STAT1: variants seen among roughly 807,000 people sequenced by gnomAD.
STAT1 encodes signal transducer and activator of transcription 1, also known as signal transducer and activator of transcription 1-alpha/beta.
Under a neutral mutation model 111.7 loss-of-function variants are expected in STAT1, and 24 were observed. The observed-to-expected ratio is 0.21, with a 90% CI of 0.16 to 0.30. STAT1 has a LOEUF of 0.30. Ranked by LOEUF, STAT1 falls within the 10% of genes least tolerant of loss-of-function variation. The pLI, the probability that STAT1 is intolerant of heterozygous loss-of-function variation, is 1.00. For missense variants in STAT1, 351 were observed against 911.9 expected (o/e 0.38, Z 7.92); for synonymous variants, 332 against 326.5 (o/e 1.02, Z -0.18).
intron 15 of STAT1, among the ~76,000 whole-genome samples, 184 bp downstream of exon 15, chr2:190,985,435 A>G (rs533675001): frequency 1.3e-5 from 2 of 152,368 alleles, no homozygotes; most frequent in East Asian, 3.9e-4. Flanking sequence ...TCGTTTGACA[A>G]TAGTAAAGCA....
rs1695303635 is a variant in STAT1, at chr2:191,013,544, C to A, written c.-21G>T. 2.5e-6 allele frequency: 1 copy of A among 398,472 alleles called. No individual in the cohort carries two copies. Among genetic ancestry groups the A allele is most frequent in the Non-Finnish European group, 4.4e-6 (1 of 226,016 alleles). 24.7% of individuals were successfully genotyped at this position (398,472 alleles called of 1,614,324 possible). ...ACTGACCTGCCACCTTGTGCCCCAA[C>A]AAGGGCCTGGGGATTCAACCAAAGG... On this transcript the variant is annotated 5_prime_UTR_variant, in exon 2 of 25. Transcript: ENST00000361099.
chr2:190,970,870 T>G lies in STAT1; in HGVS notation c.2239-153A>C, dbSNP rs3771300. On this transcript the variant is annotated intron_variant, in intron 24 of 24. Transcript: ENST00000361099. The surrounding 1 kb of genome is among the most constrained non-coding windows in gnomAD (Gnocchi z 5.4). ...CCGTGGAATAAGAGGGCCTTCAGCA[T>G]GTACTATGTATTATCCTGGGCTAAT... Among the ~76,000 whole-genome samples, 70,676 of 152,146 alleles carry G rather than the reference T, an allele frequency of 0.46. 17,016 individuals are homozygous for G. The highest frequency in any genetic ancestry group is 0.55 in the Admixed American group (8,390 of 15,288).
rs1369502100 is a variant in STAT1, at chr2:190,998,340, AAAG to A, written c.542-35_542-33del. On this transcript the variant is annotated intron_variant, in intron 7 of 24. Coordinates refer to ENST00000361099, the MANE Select transcript of STAT1 (RefSeq NM_007315.4). The surrounding 1 kb of genome is among the most constrained non-coding windows in gnomAD (Gnocchi z 4.1). ...ATTGAGAGACAGCCAGTAAATATATAAAGAAGACAAAACCAACAAAAGCCAAGA... is the reference window on the plus strand; with the variant it reads ...ATTGAGAGACAGCCAGTAAATATATAAAGACAAAACCAACAAAAGCCAAGA... 56 of 1,537,616 alleles carry A rather than the reference AAAG, an allele frequency of 3.6e-5. No homozygotes were observed. Among genetic ancestry groups the A allele is most frequent in the Non-Finnish European group, 4.9e-5 (55 of 1,112,214 alleles).
intron 3 of STAT1, 28 bp downstream of exon 3, chr2:191,009,848 C>T: frequency 1.9e-6 from 3 of 1,613,080 alleles, no homozygotes; most frequent in Non-Finnish European, 2.5e-6. Flanking sequence ...GTGTAAACTT[C>T]TTCTTCTGTC....
At chr2:191,001,719 T>TA (rs1436397969) in intron 5 of STAT1, among the ~76,000 whole-genome samples, 3 of 152,196 alleles carry the variant, frequency 2.0e-5, no homozygotes, top group Non-Finnish European at 4.4e-5. Flanking sequence ...ATAATGAATA[T>TA]AAACCCAGAC....
chr2:191,007,754 C>T lies in STAT1; in HGVS notation c.274-93G>A, dbSNP rs535705452. The T allele has an allele frequency of 2.5e-4, 230 of 911,132 alleles. 1 individual carries two copies. Among genetic ancestry groups the T allele is most frequent in the South Asian group, 2.4e-3 (180 of 74,010 alleles). 56.4% of individuals were successfully genotyped at this position (911,132 alleles called of 1,614,324 possible). ...GTTGATATGAATTTGTTTATATTCTCCGGGAAACCTCATCTCTCATCTATT... is the reference window on the plus strand; with the variant it reads ...GTTGATATGAATTTGTTTATATTCTTCGGGAAACCTCATCTCTCATCTATT... On this transcript the variant is annotated intron_variant, in intron 4 of 24. Transcript: ENST00000361099. The surrounding 1 kb of genome is among the most constrained non-coding windows in gnomAD (Gnocchi z 4.2).
rs778743351 is a variant in STAT1 at position 190,983,889 on chromosome 2, T to C, written c.1348-149A>G. 426 of 734,434 alleles carry C rather than the reference T, an allele frequency of 5.8e-4. 2 individuals are homozygous for C. The highest frequency in any genetic ancestry group is 8.8e-5 in the Non-Finnish European group (37 of 419,802). 45.5% of individuals were successfully genotyped at this position (734,434 alleles called of 1,614,324 possible). ...TGAGAAGTGTTAAGTTCTGTTCTTC[T>C]GTCCAGTTTAACTTGTCTTTGATGT... On this transcript the variant is annotated intron_variant, in intron 16 of 24. Transcript: ENST00000361099. The surrounding 1 kb of genome is among the most constrained non-coding windows in gnomAD (Gnocchi z 5.7).
intron 4 of STAT1, 67 bp downstream of exon 4, chr2:191,008,896 G>GA: frequency 6.4e-7 from 1 of 1,556,996 alleles, no homozygotes; most frequent in South Asian, 1.1e-5. Flanking sequence ...TGTATTTGCT[G>GA]AATGAAGAAA....
In STAT1 at chr2:190,993,491, G is replaced by T; in HGVS notation, c.944+1570C>A. ...TATCATCTGCAAACCTAAGAAGGAG[G>T]CAAGACTTTCCAACCCCAGAGTCGC... On this transcript the variant is annotated intron_variant, in intron 10 of 24. Transcript: ENST00000361099. This position sits in a 1 kb window ranked among gnomAD's most constrained non-coding sequence, Gnocchi z 4.1. 9.8e-7 allele frequency: 1 copy of T among 1,022,342 alleles called. No individual in the cohort carries two copies. Among genetic ancestry groups the T allele is most frequent in the Non-Finnish European group, 1.5e-6 (1 of 667,080 alleles). The allele number at this position is 1,022,342 out of a possible 1,614,324, so 63.3% of individuals were successfully genotyped here.
At chr2:190,992,002 A>C (rs919440394) in intron 10 of STAT1, among the ~76,000 whole-genome samples, 3 of 152,276 alleles carry the variant, frequency 2.0e-5, no homozygotes, top group African/African-American at 7.2e-5. Flanking sequence ...TTTGAACATT[A>C]GCCATAGGGA....
rs1386777597 is a variant in STAT1 at position 190,995,628 on chromosome 2, G to A, written c.786-409C>T. Among the ~76,000 whole-genome samples, 1 of 152,132 alleles carries A rather than the reference G, an allele frequency of 6.6e-6. No homozygotes were observed. The highest frequency in any genetic ancestry group is 6.5e-5 in the Admixed American group (1 of 15,280). ...ACAATTCAAGGTGAGATTTGGGTGG[G>A]GACACGGCCAAACCATATGGCATGG... On this transcript the variant is annotated intron_variant, in intron 9 of 24. Coordinates refer to ENST00000361099, the MANE Select transcript of STAT1 (RefSeq NM_007315.4). This position sits in a 1 kb window ranked among gnomAD's most constrained non-coding sequence, Gnocchi z 4.2.
chr2:190,974,011 T>C lies in STAT1; in HGVS notation c.2238+819A>G, dbSNP rs1177048062. Among the ~76,000 whole-genome samples the C allele has an allele frequency of 6.6e-6, 1 of 152,070 alleles. No individual in the cohort carries two copies. The highest frequency in any genetic ancestry group is 1.5e-5 in the Non-Finnish European group (1 of 68,002). ...TTTTTGCCAGGCACCGGGTATACAG[T>C]AAGGAAGAAAGGCCAGTAATAACTC... On this transcript the variant is annotated intron_variant, in intron 24 of 24. Coordinates refer to ENST00000361099, the MANE Select transcript of STAT1 (RefSeq NM_007315.4). The surrounding 1 kb of genome is among the most constrained non-coding windows in gnomAD (Gnocchi z 4.8).
In STAT1 at chr2:190,986,791, T is replaced by A; in HGVS notation, c.1221+63A>T. 1 of 1,502,712 alleles carries A rather than the reference T, an allele frequency of 6.7e-7. No individual in the cohort carries two copies. The highest frequency in any genetic ancestry group is 9.3e-7 in the Non-Finnish European group (1 of 1,078,942). 93.1% of individuals were successfully genotyped at this position (1,502,712 alleles called of 1,614,324 possible). On this transcript the variant is annotated intron_variant, in intron 14 of 24. Transcript: ENST00000361099. The surrounding 1 kb of genome is among the most constrained non-coding windows in gnomAD (Gnocchi z 5.0). Reference sequence around the variant, plus strand: ...CACATGGCAATGTGCCAAAAAGGGCTGCTCTATTGTCAAAAGTCCTAAGAA... The same window carrying A: ...CACATGGCAATGTGCCAAAAAGGGCAGCTCTATTGTCAAAAGTCCTAAGAA...
rs917014338 is a variant in STAT1 at position 190,969,293 on chromosome 2, T to G, written c.*1410A>C. 1.3e-5 allele frequency: 2 copies of G among 152,174 alleles called. No individual in the cohort carries two copies. Among genetic ancestry groups the G allele is most frequent in the Non-Finnish European group, 1.5e-5 (1 of 68,018 alleles). The allele number at this position is 152,174 out of a possible 1,614,324, so 9.4% of individuals were successfully genotyped here. A position where few individuals can be genotyped will look rare whatever the true frequency, so the allele number is the denominator to read the frequency against. On this transcript the variant is annotated 3_prime_UTR_variant, in exon 25 of 25. Transcript: ENST00000361099. ...GTATGCAGTGCCACGGAAAGCACTG[T>G]GTGCATATTATATTTAATGCAATAC... is the stretch of plus-strand genomic sequence containing the variant.
In STAT1 at chr2:191,009,135, A is replaced by G. The variant is rs1350008600; in HGVS notation, c.129-28T>C. On this transcript the variant is annotated intron_variant, in intron 3 of 24. Transcript: ENST00000361099. The stretch of plus-strand genomic sequence containing the variant: ...AGGAGATTTAACATTTACACATTTC[A>G]TTCTAGAACTAAATGTCTATGTAAA... 2.5e-6 allele frequency: 4 copies of G among 1,613,122 alleles called. No individual in the cohort carries two copies. The African/African-American group carries it at 5.3e-5, about 22-fold the overall frequency.
At chr2:190,992,748 G>A in intron 10 of STAT1, 1 of 862,586 alleles carries the variant, frequency 1.2e-6, no homozygotes. Flanking sequence ...CTTAATCTCA[G>A]CTGCCATCAT....
At position 191,004,594 on chromosome 2, in the gene STAT1, A is replaced by G. The variant is rs1185250178; in HGVS notation, c.372+2969T>C. ...TTGGACAATACTGGGTTTAAATTCC[A>G]AACCTACTTCTCATTAGCTCTGTGG... is the stretch of plus-strand genomic sequence containing the variant. On this transcript the variant is annotated intron_variant, in intron 5 of 24. Transcript: ENST00000361099. The surrounding 1 kb of genome is among the most constrained non-coding windows in gnomAD (Gnocchi z 5.0). 2.6e-5 allele frequency among the ~76,000 whole-genome samples: 4 copies of G among 152,334 alleles called. No homozygotes were observed. Among genetic ancestry groups the G allele is most frequent in the African/African-American group, 9.6e-5 (4 of 41,576 alleles).
At position 190,970,638 on chromosome 2, in the gene STAT1, T is replaced by C; in HGVS notation, c.*65A>G. 3 of 1,543,628 alleles carry C rather than the reference T, an allele frequency of 1.9e-6. No individual in the cohort carries two copies. Among genetic ancestry groups the C allele is most frequent in the Non-Finnish European group, 2.7e-6 (3 of 1,116,836 alleles). ...AAACACAGGATGTGAAGGAACAGAG[T>C]AGCAGGAGGGAATCACAGATGAGAA... On this transcript the variant is annotated 3_prime_UTR_variant, in exon 25 of 25. Coordinates refer to ENST00000361099, the MANE Select transcript of STAT1 (RefSeq NM_007315.4). This position sits in a 1 kb window ranked among gnomAD's most constrained non-coding sequence, Gnocchi z 5.4.
rs41481847 is a variant in STAT1, at chr2:190,970,549, A to G, written c.*154T>C. 0.013 allele frequency: 10,721 copies of G among 798,466 alleles called. 111 individuals are homozygous for G. The highest frequency in any genetic ancestry group is 0.016 in the Non-Finnish European group (7,686 of 466,040). 49.5% of individuals were successfully genotyped at this position (798,466 alleles called of 1,614,324 possible). On this transcript the variant is annotated 3_prime_UTR_variant, in exon 25 of 25. Transcript: ENST00000361099. This position sits in a 1 kb window ranked among gnomAD's most constrained non-coding sequence, Gnocchi z 5.4. ...AGAGTAACTGATGTTTCTGAGTTAG[A>G]GAAAAATTCACTTGCTATCAACAGG...
Sources: gnomAD v4.1 joint callset for allele counts (sites outside exome capture counted in the v4.1 genomes callset) on GRCh38, gnomAD v4.1.1 for gene constraint, Gnocchi (gnomAD v3.1) non-coding constraint, MANE v1.5 for transcripts, NCBI Gene and HGNC (gene_info 2026-07-23, HGNC 2026-07-21) for gene names.